IL26: variants seen among roughly 807,000 people sequenced by gnomAD.
IL26 encodes interleukin-26.
Under a neutral mutation model 21.7 loss-of-function variants are expected in IL26, and 23 were observed. The observed-to-expected ratio is 1.06, with a 90% confidence interval of 0.76 to 1.50. The LOEUF (loss-of-function observed/expected upper bound fraction) is 1.50. Ranked by LOEUF, IL26 falls within the 40% of genes most tolerant of loss-of-function variation. The probability of loss-of-function intolerance (pLI) is 0.00; values close to 1 mark genes in which losing one functional copy is unlikely to be tolerated. For synonymous variants in IL26, 63 were observed against 67.8 expected (o/e 0.93, Z 0.34); for missense variants, 204 against 196.0 (o/e 1.04, Z -0.24).
intron 3 of IL26, among the ~76,000 whole-genome samples, chr12:68,217,066 CAT>C (rs1351331278): frequency 4.8e-5 from 4 of 83,646 alleles, no homozygotes; most frequent in Admixed American, 3.9e-4. Context: ...AGAGTATAAA[CAT>C]AAAGAAGTTT....
Position 68,225,241 on chromosome 12 carries a change from C to G in IL26, c.271G>C (p.Glu91Gln). 1 of 1,613,620 alleles carries G rather than the reference C, an allele frequency of 6.2e-7. No individual in the cohort carries two copies. The highest frequency in any genetic ancestry group is 8.5e-7 in the Non-Finnish European group (1 of 1,179,810). The change falls in exon 3 of 5, where the codon GAA becomes CAA. Residue 91 changes from glutamate to glutamine, a missense_variant. By Grantham distance (29) the Glu-to-Gln change is conservative. Transcript: ENST00000229134. The stretch of plus-strand genomic sequence containing the variant: ...AATTGCAGTTGACCAAAAACGTCTT[C>G]CATGAAGAAGGACAGAAGCTGTTCT... ...FQEQLLSFFM[E>Q]DVFGQLQLQG... is the part of the protein sequence containing the mutation.
chr12:68,214,147 T>G (rs1463405264), intron 3 of IL26, among the ~76,000 whole-genome samples: 1 of 152,190 alleles, frequency 6.6e-6, no homozygotes, highest in East Asian at 1.9e-4. Context: ...TTAATTTCCA[T>G]GAGTTTTCGT....
At chr12:68,223,884 G>GTTTTTTTTTTTTTTTTTTTTT (rs376115904) in intron 3 of IL26, among the ~76,000 whole-genome samples, 13 of 132,272 alleles carry the variant, frequency 9.8e-5, no homozygotes, top group Non-Finnish European at 1.7e-4. Context: ...AAATTTGGTG[G>GTTTTTTTTTTTTTTTTTTTTT]TTTTTTTTTT....
intron 3 of IL26, among the ~76,000 whole-genome samples, chr12:68,222,558 C>T (rs957954556): frequency 6.6e-6 from 1 of 152,194 alleles, no homozygotes; most frequent in Non-Finnish European, 1.5e-5. Flanking sequence ...CAGAGTACCG[C>T]CTCCAGGAAA....
intron 3 of IL26, among the ~76,000 whole-genome samples, chr12:68,202,598 C>T (rs1278710675): frequency 6.6e-6 from 1 of 152,120 alleles, no homozygotes; most frequent in Non-Finnish European, 1.5e-5. Context: ...GGGGAAGTGC[C>T]ATACTTTTAA....
intron 3 of IL26, among the ~76,000 whole-genome samples, chr12:68,213,983 G>A (rs1868805036): frequency 6.6e-6 from 1 of 151,936 alleles, no homozygotes; most frequent in Non-Finnish European, 1.5e-5. Context: ...TTTGAGGTAG[G>A]CATTTACTGC....
Position 68,225,640 on chromosome 12 carries a change from G to A in IL26, c.117C>T (p.Ser39=). Residue 39 remains serine (S), a synonymous_variant, in exon 1 of 5, where the codon TCC becomes TCT. Transcript: ENST00000229134. The stretch of plus-strand genomic sequence containing the variant: ...TGATATAGAGAGCGTCAACAGCTTG[G>A]GACAATGTTCCCCTTGGGTAACAAC... ...TKSCYPRGTL[S]QAVDALYIKA... is the part of the protein sequence containing the mutation. 3 of 1,614,022 alleles carry A rather than the reference G, an allele frequency of 1.9e-6. No individual in the cohort carries two copies. The East Asian group carries it at 6.7e-5, about 36-fold the overall frequency.
intron 3 of IL26, among the ~76,000 whole-genome samples, chr12:68,213,142 A>T (rs1157190187): frequency 6.6e-6 from 1 of 151,080 alleles, no homozygotes; most frequent in Non-Finnish European, 1.5e-5. Context: ...TGAAATGATC[A>T]TATGGTTTTT....
chr12:68,224,345 C>A (rs1869167012), intron 3 of IL26, among the ~76,000 whole-genome samples: 1 of 151,016 alleles, frequency 6.6e-6, no homozygotes, highest in Admixed American at 6.6e-5. Flanking sequence ...CTGCACTGGT[C>A]TTTATTGCTG....
At chr12:68,210,641 T>C (rs1027433782) in intron 3 of IL26, among the ~76,000 whole-genome samples, 1 of 152,058 alleles carries the variant, frequency 6.6e-6, no homozygotes, top group Non-Finnish European at 1.5e-5. Flanking sequence ...ACAGAAAAGT[T>C]TACAAAACAT....
At position 68,209,694 on chromosome 12, in the gene IL26, T is replaced by C. The variant is rs11571040; in HGVS notation, c.364-7611A>G. On this transcript the variant is annotated intron_variant, in intron 3 of 4. Coordinates refer to ENST00000229134, the MANE Select transcript of IL26 (RefSeq NM_018402.2). ...CACATGTTCCAAGACTCTTTTACAT[T>C]ATATCAGACATGCAAGCCCCCGCCT... Among the ~76,000 whole-genome samples the C allele has an allele frequency of 2.3e-3, 345 of 152,188 alleles. 1 individual carries two copies. Among genetic ancestry groups the C allele is most frequent in the African/African-American group, 7.8e-3 (323 of 41,512 alleles).
At position 68,201,558 on chromosome 12, in the gene IL26, T is replaced by C; in HGVS notation, c.*287A>G. The C allele has an allele frequency of 3.8e-6, 1 of 261,250 alleles. No homozygotes were observed. The highest frequency in any genetic ancestry group is 7.2e-6 in the Non-Finnish European group (1 of 138,074). The allele number at this position is 261,250 out of a possible 1,614,324, so 16.2% of individuals were successfully genotyped here. A position where few individuals can be genotyped will look rare whatever the true frequency, so the allele number is the denominator to read the frequency against. On this transcript the variant is annotated 3_prime_UTR_variant, in exon 5 of 5. Coordinates refer to ENST00000229134, the MANE Select transcript of IL26 (RefSeq NM_018402.2). ...CTCCACACACAAATATTACACGAGT[T>C]AATTCAGGTTACATACTTTAAATTA...
At chr12:68,212,404 A>G (rs1222271314) in intron 3 of IL26, among the ~76,000 whole-genome samples, 2 of 152,018 alleles carry the variant, frequency 1.3e-5, no homozygotes, top group Non-Finnish European at 2.9e-5. Flanking sequence ...AAATTTTACC[A>G]TGTTTTTCTA....
intron 3 of IL26, among the ~76,000 whole-genome samples, chr12:68,222,144 A>G (rs1022583798): frequency 2.0e-5 from 3 of 152,236 alleles, no homozygotes; most frequent in Non-Finnish European, 4.4e-5. Flanking sequence ...TGATAAGAGC[A>G]TTTAAAAATC....
chr12:68,221,314 G>A (rs982441667), intron 3 of IL26, among the ~76,000 whole-genome samples: 1 of 152,128 alleles, frequency 6.6e-6, no homozygotes, highest in Non-Finnish European at 1.5e-5. Context: ...AAAAGGAAAG[G>A]AATGAAGGAA....
At chr12:68,221,944 A>G (rs1869057670) in intron 3 of IL26, among the ~76,000 whole-genome samples, 1 of 152,242 alleles carries the variant, frequency 6.6e-6, no homozygotes, top group East Asian at 1.9e-4. Context: ...TTGATATGTG[A>G]AAATTTTCAC....
At chr12:68,204,581 A>G (rs934628566) in intron 3 of IL26, among the ~76,000 whole-genome samples, 15 of 152,214 alleles carry the variant, frequency 9.9e-5, no homozygotes, top group African/African-American at 3.6e-4. Context: ...TGCATCCCAC[A>G]GCAGGTGGGA....
intron 3 of IL26, among the ~76,000 whole-genome samples, chr12:68,220,386 G>T (rs577545810): frequency 1.3e-5 from 2 of 152,176 alleles, no homozygotes; most frequent in African/African-American, 4.8e-5. Flanking sequence ...TGCAAGATTG[G>T]TTTAACTTTG....
At chr12:68,218,192 T>C (rs1409467183) in intron 3 of IL26, among the ~76,000 whole-genome samples, 1 of 152,028 alleles carries the variant, frequency 6.6e-6, no homozygotes, top group Non-Finnish European at 1.5e-5. Flanking sequence ...TTGATCAAAA[T>C]TACCAGCCGT....
Sources: gnomAD v4.1 joint callset for allele counts (sites outside exome capture counted in the v4.1 genomes callset) on GRCh38, gnomAD v4.1.1 for gene constraint, MANE v1.5 for transcripts, NCBI Gene and HGNC (gene_info 2026-07-23, HGNC 2026-07-21) for gene names.